QTMAN: variants seen among roughly 807,000 people sequenced by gnomAD.
QTMAN encodes queuosine-tRNA mannosyltransferase.
chr2:144,049,067 G>A, the QTMAN span, among the ~76,000 whole-genome samples: 84 of 151,968 alleles, frequency 5.5e-4, 1 homozygote, highest in East Asian at 0.014. Flanking sequence ...GGTAATGTAT[G>A]CTGAATATAA....
chr2:144,320,607 C>A, the QTMAN span, among the ~76,000 whole-genome samples: 1 of 152,164 alleles, frequency 6.6e-6, no homozygotes, highest in Non-Finnish European at 1.5e-5. Context: ...TGCTCCATGT[C>A]CCCAAACTCT....
the QTMAN span, among the ~76,000 whole-genome samples, chr2:144,229,402 C>G: frequency 2.6e-4 from 39 of 152,324 alleles, no homozygotes; most frequent in African/African-American, 9.4e-4. Flanking sequence ...CTCAGTTACC[C>G]TTTCAGTGGT....
At chr2:144,304,143 G>T in the QTMAN span, among the ~76,000 whole-genome samples, 1 of 152,198 alleles carries the variant, frequency 6.6e-6, no homozygotes, top group Non-Finnish European at 1.5e-5. Flanking sequence ...TGGAAGACAG[G>T]CAGATTTGGA....
the QTMAN span, among the ~76,000 whole-genome samples, chr2:144,067,707 A>G: frequency 6.6e-6 from 1 of 152,218 alleles, no homozygotes; most frequent in Admixed American, 6.5e-5. Flanking sequence ...AGCATCCAAC[A>G]TTTAAAATGA....
the QTMAN span, chr2:144,145,648 C>T: frequency 1.2e-6 from 2 of 1,611,376 alleles, no homozygotes; most frequent in African/African-American, 1.3e-5. Context: ...AACTGGTTCT[C>T]GTGAAAATAC....
At chr2:144,252,912 G>A in the QTMAN span, among the ~76,000 whole-genome samples, 8,651 of 152,256 alleles carry the variant, frequency 0.057, 353 homozygotes, top group South Asian at 0.16. Context: ...ATATTACTTA[G>A]TGCTAAAAAG....
the QTMAN span, among the ~76,000 whole-genome samples, chr2:144,258,102 ACAGT>A: frequency 6.6e-6 from 1 of 152,056 alleles, no homozygotes; most frequent in Non-Finnish European, 1.5e-5. Context: ...CAGTACTGAA[ACAGT>A]CAGAAAAAGA....
the QTMAN span, among the ~76,000 whole-genome samples, chr2:144,062,475 T>G: frequency 6.6e-6 from 1 of 152,210 alleles, no homozygotes; most frequent in African/African-American, 2.4e-5. Context: ...TTACCTTTAG[T>G]AAGTGAATAA....
the QTMAN span, among the ~76,000 whole-genome samples, chr2:144,238,385 T>C: frequency 6.6e-6 from 1 of 152,194 alleles, no homozygotes; most frequent in Non-Finnish European, 1.5e-5. Flanking sequence ...TAGAATAGTA[T>C]CATGGGGTGT....
chr2:144,201,594 A>C, the QTMAN span, among the ~76,000 whole-genome samples: 1 of 152,230 alleles, frequency 6.6e-6, no homozygotes, highest in Non-Finnish European at 1.5e-5. Flanking sequence ...CAAAGGGTTC[A>C]CTAAGTGCTT....
the QTMAN span, among the ~76,000 whole-genome samples, chr2:144,246,598 A>AAAAAAAAAAAAAAAG: frequency 2.0e-5 from 3 of 148,974 alleles, no homozygotes; most frequent in African/African-American, 7.6e-5. Context: ...AAAAAAAAAA[A>AAAAAAAAAAAAAAAG]AAAAGAAAAG....
chr2:144,114,746 C>T, the QTMAN span, among the ~76,000 whole-genome samples: 1 of 151,890 alleles, frequency 6.6e-6, no homozygotes, highest in African/African-American at 2.4e-5. Context: ...TAGATTTCAG[C>T]TTAAATATCC....
chr2:143,972,409 A>G, the QTMAN span, among the ~76,000 whole-genome samples: 4 of 151,968 alleles, frequency 2.6e-5, no homozygotes, highest in Admixed American at 6.6e-5. Context: ...GGCTATGGAT[A>G]CCTAAGAGAT....
At chr2:144,208,508 T>C in the QTMAN span, 10 of 1,041,150 alleles carry the variant, frequency 9.6e-6, no homozygotes, top group East Asian at 2.4e-5. Context: ...AATTCCATAG[T>C]TGGAGAAATT....
chr2:144,023,732 C>T, the QTMAN span, among the ~76,000 whole-genome samples: 6,250 of 152,182 alleles, frequency 0.041, 196 homozygotes, highest in East Asian at 0.078. Context: ...CACAAAGATG[C>T]ACAAACATCT....
At chr2:144,208,032 T>G in the QTMAN span, among the ~76,000 whole-genome samples, 2 of 152,022 alleles carry the variant, frequency 1.3e-5, no homozygotes, top group East Asian at 3.9e-4. Flanking sequence ...CGCTTTCTAA[T>G]AGGTCCTCCT....
the QTMAN span, among the ~76,000 whole-genome samples, chr2:144,239,316 C>T: frequency 6.6e-6 from 1 of 152,124 alleles, no homozygotes; most frequent in African/African-American, 2.4e-5. Flanking sequence ...AAGTGTATAA[C>T]CTCTTAAAAC....
chr2:144,178,633 A>AG, the QTMAN span: 1 of 153,266 alleles, frequency 6.5e-6, no homozygotes, highest in African/African-American at 2.4e-5. Context: ...GGCATCTCAC[A>AG]CTCTTGTATC....
At chr2:144,203,687 G>T in the QTMAN span, among the ~76,000 whole-genome samples, 2 of 152,026 alleles carry the variant, frequency 1.3e-5, no homozygotes, top group African/African-American at 4.8e-5. Context: ...CAAGAATCAA[G>T]AACTGTAATA....
Sources: gnomAD v4.1 joint callset for allele counts (sites outside exome capture counted in the v4.1 genomes callset) on GRCh38, gnomAD v4.1.1 for gene constraint, MANE v1.5 for transcripts, NCBI Gene and HGNC (gene_info 2026-07-23, HGNC 2026-07-21) for gene names.